DHRS12: variants seen among roughly 807,000 people sequenced by gnomAD.
The protein encoded by DHRS12 is dehydrogenase/reductase SDR family member 12.
In DHRS12, 29 loss-of-function variants were observed where a neutral mutation model predicts 32.1. The ratio of observed to expected loss-of-function variants is 0.90; its 90% CI spans 0.67 to 1.23. DHRS12 has a LOEUF of 1.23. Ranked by LOEUF, DHRS12 falls within the 50% of genes most tolerant of loss-of-function variation. The probability of loss-of-function intolerance (pLI) is 0.00; values close to 1 mark genes in which losing one functional copy is unlikely to be tolerated. For synonymous variants in DHRS12, 150 were observed against 135.9 expected, an observed-to-expected ratio of 1.10 and a Z score of -0.72; for missense variants, 330 against 337.2, an observed-to-expected ratio of 0.98 and a Z score of 0.17.
chr13:51,793,674 C>T (rs1955382719), intron 2 of DHRS12, among the ~76,000 whole-genome samples: 2 of 152,128 alleles, frequency 1.3e-5, no homozygotes, highest in African/African-American at 4.8e-5. Context: ...CCAGCCAGAG[C>T]GAACAAGGCT....
At chr13:51,767,194 G>A (rs1953777149), downstream of DHRS12, 1 of 152,398 alleles carries the variant, frequency 6.6e-6, no homozygotes, top group East Asian at 1.9e-4. Flanking sequence ...TGGAATCACC[G>A]TTGAGGGGGT....
chr13:51,772,901 G>A, intron 6 of DHRS12: 1 of 985,452 alleles, frequency 1.0e-6, no homozygotes, highest in Non-Finnish European at 1.2e-6. Flanking sequence ...GAGCAAAACT[G>A]GGGCACACCC....
downstream of DHRS12, chr13:51,765,826 A>C (rs552829808): frequency 6.6e-6 from 1 of 152,236 alleles, no homozygotes; most frequent in South Asian, 2.1e-4. Context: ...GAAATTAATC[A>C]TGGTACCATC....
intron 5 of DHRS12, 80 bp downstream of exon 5, chr13:51,776,980 A>G (rs1244643874): frequency 2.0e-6 from 3 of 1,537,558 alleles, no homozygotes; most frequent in Admixed American, 3.4e-5. Context: ...TAGGGCAGTC[A>G]GGCAGCAAAC....
chr13:51,793,683 C>G (rs1955383471), intron 2 of DHRS12, among the ~76,000 whole-genome samples: 1 of 152,190 alleles, frequency 6.6e-6, no homozygotes, highest in Admixed American at 6.5e-5. Flanking sequence ...GCGAACAAGG[C>G]TGCTGAGTCA....
chr13:51,768,086 G>A lies in DHRS12; in HGVS notation c.*101C>T, dbSNP rs1040127407. On this transcript the variant is annotated 3_prime_UTR_variant, in exon 9 of 9. Coordinates refer to ENST00000444610, the MANE Select transcript of DHRS12 (RefSeq NM_001377533.1). ...CCTCGCTGTGAGGCACAACGTCTTC[G>A]AGGGGAAGTTGAAGTGGGGTCTTCT... 9.4e-6 allele frequency: 14 copies of A among 1,495,138 alleles called. No individual in the cohort carries two copies. The highest frequency in any genetic ancestry group is 1.2e-5 in the Non-Finnish European group (14 of 1,126,982). The allele number at this position is 1,495,138 out of a possible 1,614,324, so 92.6% of individuals were successfully genotyped here. A position where few individuals can be genotyped will look rare whatever the true frequency, so the allele number is the denominator to read the frequency against.
chr13:51,756,631 T>C, the DHRS12 span: 4 of 985,290 alleles, frequency 4.1e-6, no homozygotes, highest in Non-Finnish European at 3.6e-6. Context: ...ATTTGTGGTA[T>C]CCTGTGAGAT....
intron 4 of DHRS12, 64 bp downstream of exon 4, chr13:51,789,947 C>A: frequency 6.7e-7 from 1 of 1,482,402 alleles, no homozygotes. Context: ...TTTTTTTTTA[C>A]CCTTCTATGG....
chr13:51,798,112 C>G (rs948927101), intron 2 of DHRS12, among the ~76,000 whole-genome samples: 1 of 152,176 alleles, frequency 6.6e-6, no homozygotes, highest in African/African-American at 2.4e-5. Context: ...GACAGTGCGT[C>G]TGGAATAACA....
intron 4 of DHRS12, among the ~76,000 whole-genome samples, chr13:51,788,117 G>T (rs189676929): frequency 6.6e-6 from 1 of 151,272 alleles, no homozygotes; most frequent in African/African-American, 2.4e-5. Context: ...ATGCTCTGTG[G>T]TCGCTGCATT....
chr13:51,804,154 C>T lies in DHRS12; in HGVS notation c.-109G>A, dbSNP rs1204598673. ...TAGCCCCACCGCGCTCCCGGCGCGG[C>T]CTCCGCCCTGGTCCCGCCCCCCGGG... On this transcript the variant is annotated 5_prime_UTR_variant, in exon 1 of 9. Coordinates refer to ENST00000444610, the MANE Select transcript of DHRS12 (RefSeq NM_001377533.1). 3 of 1,433,152 alleles carry T rather than the reference C, an allele frequency of 2.1e-6. No homozygotes were observed. The highest frequency in any genetic ancestry group is 2.7e-6 in the Non-Finnish European group (3 of 1,095,764). The allele number at this position is 1,433,152 out of a possible 1,614,324, so 88.8% of individuals were successfully genotyped here.
intron 2 of DHRS12, among the ~76,000 whole-genome samples, chr13:51,794,685 T>C (rs1374855666): frequency 6.6e-6 from 1 of 152,066 alleles, no homozygotes; most frequent in Non-Finnish European, 1.5e-5. Flanking sequence ...TCCAGTGTAA[T>C]CATCAGAAAG....
chr13:51,789,892 C>T, intron 4 of DHRS12, 119 bp downstream of exon 4: 9 of 1,359,866 alleles, frequency 6.6e-6, no homozygotes, highest in Non-Finnish European at 8.5e-6. Context: ...AAACTTAAAG[C>T]AAACGTCATC....
chr13:51,795,036 A>T (rs942551045), intron 2 of DHRS12, among the ~76,000 whole-genome samples: 12 of 152,004 alleles, frequency 7.9e-5, no homozygotes, highest in Non-Finnish European at 1.3e-4. Flanking sequence ...TCACCTCAGC[A>T]TGATATTCAC....
intron 4 of DHRS12, among the ~76,000 whole-genome samples, chr13:51,785,277 G>C (rs1954903112): frequency 6.6e-6 from 1 of 151,924 alleles, no homozygotes. Context: ...TTGTTCGTTA[G>C]GTATTTTGAT....
intron 2 of DHRS12, chr13:51,797,780 C>T: frequency 6.6e-7 from 1 of 1,518,856 alleles, no homozygotes; most frequent in Non-Finnish European, 8.8e-7. Flanking sequence ...TCACAGCTGA[C>T]CATGGAGGCA....
At chr13:51,768,601 C>T (rs1252169361) in intron 8 of DHRS12, 6 of 1,226,030 alleles carry the variant, frequency 4.9e-6, no homozygotes, top group Non-Finnish European at 6.1e-6. Flanking sequence ...CTTCAGAATT[C>T]CTCAAGCAAG....
chr13:51,756,429 G>C, the DHRS12 span: 1 of 1,614,128 alleles, frequency 6.2e-7, no homozygotes, highest in East Asian at 2.2e-5. Flanking sequence ...GTGAGGGTCT[G>C]TGACAGCTGC....
intron 2 of DHRS12, 144 bp downstream of exon 2, chr13:51,799,390 G>A: frequency 7.9e-7 from 1 of 1,272,290 alleles, no homozygotes; most frequent in South Asian, 1.6e-5. Context: ...TCAAAACTCA[G>A]AAAGCTGGCA....
Sources: gnomAD v4.1 joint callset for allele counts (sites outside exome capture counted in the v4.1 genomes callset) on GRCh38, gnomAD v4.1.1 for gene constraint, MANE v1.5 for transcripts, NCBI Gene and HGNC (gene_info 2026-07-23, HGNC 2026-07-21) for gene names.